Variants in ADGRG1 observed in about 807,000 individuals in gnomAD.
The protein encoded by ADGRG1 is adhesion G protein-coupled receptor G1.
ADGRG1 carries 53 observed loss-of-function variants against 73.5 expected under a neutral mutation model. The ratio of observed to expected loss-of-function variants is 0.72; its 90% CI spans 0.58 to 0.91. The LOEUF (loss-of-function observed/expected upper bound fraction) is 0.91. ADGRG1 is among the 40% of genes least tolerant of loss of function. ADGRG1 has a pLI of 0.00. For missense variants in ADGRG1, 795 were observed against 871.8 expected, an observed-to-expected ratio of 0.91 and a Z score of 1.11; for synonymous variants, 394 against 374.4, an observed-to-expected ratio of 1.05 and a Z score of -0.60.
At chr16:57,629,947 A>C (rs2037284695) in intron 1 of ADGRG1, 1 of 960,938 alleles carries the variant, frequency 1.0e-6, no homozygotes, top group African/African-American at 1.8e-5. Context: ...GGGATGGGTC[A>C]AGGCAGGGGC....
chr16:57,626,609 T>C (rs4238794), upstream of ADGRG1: 370,954 of 984,830 alleles, frequency 0.38, 71,656 homozygotes, highest in African/African-American at 0.6. Context: ...CTCTCCTATG[T>C]GGCCAGAGTG....
rs768953875 is a variant in ADGRG1, at chr16:57,655,871, T to C, written c.901-5T>C. On this transcript the variant is annotated splice_polypyrimidine_tract_variant and splice_region_variant and intron_variant, in intron 6 of 13. Coordinates refer to ENST00000562631, the MANE Select transcript of ADGRG1 (RefSeq NM_201525.4). The stretch of plus-strand genomic sequence containing the variant: ...TACTCTCTTCCTCCAACCCCATGTA[T>C]CTAGGACAAGAATTCCAGCCAAGTC... 2 of 1,613,984 alleles carry C rather than the reference T, an allele frequency of 1.2e-6. No individual in the cohort carries two copies. The highest frequency in any genetic ancestry group is 3.3e-5 in the Admixed American group (2 of 59,998).
At chr16:57,653,858 T>TCTCTGCCTCTGCCTCTGC in intron 4 of ADGRG1, 128 bp from the exon 5 acceptor site, 2 of 1,583,016 alleles carry the variant, frequency 1.3e-6, no homozygotes, top group Admixed American at 1.7e-5. Context: ...CCCACCCCTC[T>TCTCTGCCTCTGCCTCTGC]CTCTGCCTCT....
intron 1 of ADGRG1, 156 bp downstream of exon 1, chr16:57,628,958 G>C (rs1467553389): frequency 1.0e-5 from 6 of 594,212 alleles, no homozygotes; most frequent in Non-Finnish European, 1.2e-5. Context: ...GTGTGAGAGT[G>C]TGTGAGTGTG....
upstream of ADGRG1, chr16:57,620,743 G>A (rs1487750842): frequency 1.3e-5 from 2 of 152,330 alleles, no homozygotes; most frequent in Non-Finnish European, 2.9e-5. Context: ...TCCCTCCCCT[G>A]GCTGCAAGAG....
chr16:57,639,361 T>A, intron 1 of ADGRG1: 1 of 985,482 alleles, frequency 1.0e-6, no homozygotes, highest in Non-Finnish European at 1.2e-6. Flanking sequence ...TGTGACGTAG[T>A]CCCTGCAGCT....
Position 57,636,244 on chromosome 16 carries a change from G to C in ADGRG1, c.-36+7442G>C, listed in dbSNP as rs1046431941. The stretch of plus-strand genomic sequence containing the variant: ...GGTGGTAATTTTGCTTTAATGTAGA[G>C]AGAAAATCCAAGGTTCAGTGCTCAC... On this transcript the variant is annotated intron_variant, in intron 1 of 13. Coordinates refer to ENST00000562631, the MANE Select transcript of ADGRG1 (RefSeq NM_201525.4). 7.1e-6 allele frequency: 7 copies of C among 985,328 alleles called. No homozygotes were observed. The African/African-American group carries it at 1.2e-4, about 17-fold the overall frequency. The allele number at this position is 985,328 out of a possible 1,614,324, so 61.0% of individuals were successfully genotyped here.
upstream of ADGRG1, chr16:57,627,734 AGGAG>A (rs2036127615): frequency 1.5e-6 from 1 of 686,880 alleles, no homozygotes; most frequent in Non-Finnish European, 1.7e-6. Flanking sequence ...CATTGCTCGG[AGGAG>A]GAGGGCAGAC....
At chr16:57,626,494 C>T, upstream of ADGRG1, 4 of 659,798 alleles carry the variant, frequency 6.1e-6, no homozygotes, top group Non-Finnish European at 7.5e-6. Context: ...CCTGCTTCCT[C>T]ACCTGCCTGC....
rs544418346 is a variant in ADGRG1 at position 57,642,543 on chromosome 16, G to A, written c.-35-7710G>A. On this transcript the variant is annotated intron_variant, in intron 1 of 13. Coordinates refer to ENST00000562631, the MANE Select transcript of ADGRG1 (RefSeq NM_201525.4). Reference sequence around the variant, plus strand: ...AGGCTCTACCTTCACGTTGGGTTGGGAAACTGCCCAACCAAGCTTTATGGG... The same window carrying A: ...AGGCTCTACCTTCACGTTGGGTTGGAAAACTGCCCAACCAAGCTTTATGGG... 4.1e-6 allele frequency: 4 copies of A among 971,184 alleles called. No homozygotes were observed. The East Asian group carries it at 3.4e-4, about 83-fold the overall frequency. The allele number at this position is 971,184 out of a possible 1,614,324, so 60.2% of individuals were successfully genotyped here.
In ADGRG1 at chr16:57,661,692, C is replaced by T. The variant is rs2290177; in HGVS notation, c.1665-5C>T. 346,357 of 1,611,276 alleles carry T rather than the reference C, an allele frequency of 0.21. 40,395 individuals carry two copies. Among genetic ancestry groups the T allele is most frequent in the East Asian group, 0.48 (21,289 of 44,806 alleles). The stretch of plus-strand genomic sequence containing the variant: ...CACGCTGAGCCCTCCTGCCTTTGCC[C>T]GCAGGTGCTGGATCCGGGACTCCCT... On this transcript the variant is annotated splice_region_variant and splice_polypyrimidine_tract_variant and intron_variant, in intron 12 of 13. Coordinates refer to ENST00000562631, the MANE Select transcript of ADGRG1 (RefSeq NM_201525.4).
intron 1 of ADGRG1, chr16:57,642,110 A>G (rs983786597): frequency 7.1e-6 from 7 of 985,214 alleles, no homozygotes; most frequent in South Asian, 4.7e-5. Context: ...TTGCATCTTC[A>G]TATTCTTTCT....
intron 1 of ADGRG1, chr16:57,641,164 C>A: frequency 1.3e-6 from 1 of 796,212 alleles, no homozygotes; most frequent in Non-Finnish European, 1.5e-6. Flanking sequence ...CAGAGTTGCC[C>A]ACTTGACAGA....
At chr16:57,662,040 G>C in intron 13 of ADGRG1, 75 bp downstream of exon 13, 1 of 1,248,466 alleles carries the variant, frequency 8.0e-7, no homozygotes, top group Non-Finnish European at 1.2e-6. Context: ...AGATCACCCA[G>C]GGAACCTGAA....
In ADGRG1 at chr16:57,657,356, C is replaced by T; in HGVS notation, c.1168-17C>T. ...GGGGGACACAGAGGCCAGCTCTCTC[C>T]TGTCTCCTGGGGCCAGGTCTCCTCG... On this transcript the variant is annotated splice_polypyrimidine_tract_variant and intron_variant, in intron 9 of 13. Coordinates refer to ENST00000562631, the MANE Select transcript of ADGRG1 (RefSeq NM_201525.4). 6.2e-7 allele frequency: 1 copy of T among 1,613,866 alleles called. No homozygotes were observed. The highest frequency in any genetic ancestry group is 1.7e-5 in the Admixed American group (1 of 60,016).
chr16:57,638,752 G>A (rs1470116895), intron 1 of ADGRG1, among the ~76,000 whole-genome samples: 8 of 152,192 alleles, frequency 5.3e-5, no homozygotes, highest in Non-Finnish European at 1.5e-5. Flanking sequence ...TTTGGTTACT[G>A]GGTGGCCTGC....
chr16:57,632,345 G>A, intron 1 of ADGRG1: 3 of 983,278 alleles, frequency 3.1e-6, no homozygotes, highest in African/African-American at 3.5e-5. Flanking sequence ...CTCTCTGGTT[G>A]TGGGAACATG....
At chr16:57,661,539 A>T (rs759444690) in intron 12 of ADGRG1, 158 bp from the exon 13 acceptor site, 24 of 984,606 alleles carry the variant, frequency 2.4e-5, no homozygotes, top group Non-Finnish European at 2.8e-5. Flanking sequence ...TGACTTGTTA[A>T]CTCAAATGTA....
chr16:57,661,169 C>T lies in ADGRG1; in HGVS notation c.1664+293C>T, dbSNP rs74370244. 10,303 of 504,838 alleles carry T rather than the reference C, an allele frequency of 0.02. 922 individuals are homozygous for T. Among genetic ancestry groups the T allele is most frequent in the African/African-American group, 0.19 (9,288 of 48,244 alleles). The allele number at this position is 504,838 out of a possible 1,614,324, so 31.3% of individuals were successfully genotyped here. ...TGGAGCAGATGAGCCTCACCACATT[C>T]CTCAGCAGCACCTCTCTGTCTCCCC... On this transcript the variant is annotated intron_variant, in intron 12 of 13. Transcript: ENST00000562631.
Sources: gnomAD v4.1 joint callset for allele counts (sites outside exome capture counted in the v4.1 genomes callset) on GRCh38, gnomAD v4.1.1 for gene constraint, MANE v1.5 for transcripts, NCBI Gene and HGNC (gene_info 2026-07-23, HGNC 2026-07-21) for gene names.